The following TFRC variants were observed in gnomAD, a reference collection of about 807,000 sequenced individuals.
TFRC encodes the protein transferrin receptor, also known as transferrin receptor protein 1.
In TFRC, 35 loss-of-function variants were observed where a neutral mutation model predicts 85.8. The ratio of observed to expected loss-of-function variants is 0.41; its 90% CI spans 0.31 to 0.54. The LOEUF (loss-of-function observed/expected upper bound fraction) is 0.54. Among genes scored for constraint, TFRC ranks in the 20% least tolerant of loss-of-function variants. TFRC has a pLI of 0.31. For missense variants in TFRC, 828 were observed against 921.5 expected, an observed-to-expected ratio of 0.90 and a Z score of 1.31; for synonymous variants, 362 against 328.6, an observed-to-expected ratio of 1.10 and a Z score of -1.10.
At chr3:196,060,288 G>A (rs374310004) in intron 13 of TFRC, 41 bp from the exon 14 acceptor site, 224 of 1,545,056 alleles carry the variant, frequency 1.4e-4, no homozygotes, top group Middle Eastern at 5.0e-4. Context: ...TCTCCATTCC[G>A]ATAATTTTCA....
intron 18 of TFRC, among the ~76,000 whole-genome samples, chr3:196,053,130 T>G (rs41298075): frequency 1.3e-5 from 2 of 151,958 alleles, no homozygotes; most frequent in Non-Finnish European, 2.9e-5. Context: ...AAAAAAAAAT[T>G]TTTTTAAAGG....
chr3:196,071,807 G>A (rs1014996578), intron 5 of TFRC, among the ~76,000 whole-genome samples, 196 bp downstream of exon 5: 6 of 152,220 alleles, frequency 3.9e-5, no homozygotes, highest in Admixed American at 2.6e-4. Context: ...TGGAGGCTAA[G>A]GCAGGAGAAT....
rs1311939789 is a variant in TFRC, at chr3:196,072,019, T to C, written c.568A>G (p.Ile190Val). The C allele has an allele frequency of 6.2e-7, 1 of 1,613,190 alleles. No homozygotes were observed. Among genetic ancestry groups the C allele is most frequent in the Non-Finnish European group, 8.5e-7 (1 of 1,179,794 alleles). Reference sequence around the variant, plus strand: ...TCAACATACCTGTCTTTGACCTGAATCTTAACAAAATGTTGATCACGCCAG... The same window carrying C: ...TCAACATACCTGTCTTTGACCTGAACCTTAACAAAATGTTGATCACGCCAG... ...KVWRDQHFVK[I>V]QVKDSAQNSV... Residue 190 changes from isoleucine to valine, a missense_variant, in exon 5 of 19, where the codon ATT becomes GTT. Physicochemically the swap from Ile to Val is conservative, Grantham distance 29 (BLOSUM62 3). Coordinates refer to ENST00000360110, the MANE Select transcript of TFRC (RefSeq NM_001128148.3).
intron 8 of TFRC, 106 bp from the exon 9 acceptor site, chr3:196,067,763 T>C: frequency 2.2e-6 from 3 of 1,340,496 alleles, no homozygotes; most frequent in Non-Finnish European, 3.0e-6. Context: ...TTTACCAACT[T>C]GAAGCCTCAA....
At chr3:196,054,617 A>G (rs1369210578) in intron 17 of TFRC, among the ~76,000 whole-genome samples, 2 of 152,210 alleles carry the variant, frequency 1.3e-5, no homozygotes, top group Non-Finnish European at 2.9e-5. Flanking sequence ...CTGCCTCAGC[A>G]GAAGTAGCTG....
chr3:196,060,105 A>G (rs1197727626), intron 14 of TFRC, 75 bp downstream of exon 14: 11 of 1,171,954 alleles, frequency 9.4e-6, no homozygotes, highest in South Asian at 4.1e-5. Flanking sequence ...TACGGTTTAC[A>G]TATCAGTGTT....
chr3:196,058,511 C>G lies in TFRC; in HGVS notation c.1595+63G>C, dbSNP rs41297513. On this transcript the variant is annotated intron_variant, in intron 15 of 18. Coordinates refer to ENST00000360110, the MANE Select transcript of TFRC (RefSeq NM_001128148.3). ...ATGCAAGGACAGATTTAGATTCTAC[C>G]TAATGTAGTAGGTAGAATCTCTGCT... The G allele has an allele frequency of 8.2e-3, 12,585 of 1,525,822 alleles. 954 individuals are homozygous for G. The African/African-American group carries it at 0.16, about 19-fold the overall frequency. The allele number at this position is 1,525,822 out of a possible 1,614,324, so 94.5% of individuals were successfully genotyped here.
chr3:196,053,806 C>A (rs41298063), intron 17 of TFRC, among the ~76,000 whole-genome samples: 42 of 152,280 alleles, frequency 2.8e-4, no homozygotes, highest in African/African-American at 9.6e-4. Context: ...ATCCTATGTA[C>A]TATATTGTTT....
intron 15 of TFRC, 54 bp from the exon 16 acceptor site, chr3:196,058,419 T>C: frequency 1.3e-6 from 2 of 1,556,492 alleles, no homozygotes; most frequent in Non-Finnish European, 1.8e-6. Context: ...TAGACTGTTC[T>C]ATCGTGCTAG....
At chr3:196,052,869 T>C (rs1480643829) in intron 18 of TFRC, among the ~76,000 whole-genome samples, 1 of 151,966 alleles carries the variant, frequency 6.6e-6, no homozygotes, top group African/African-American at 2.4e-5. Flanking sequence ...TACCAGCACT[T>C]TGGGAGGCCA....
At chr3:196,060,797 C>CAA (rs1173946134) in intron 13 of TFRC, among the ~76,000 whole-genome samples, 8,522 of 36,952 alleles carry the variant, frequency 0.23, 2,622 homozygotes, top group Non-Finnish European at 0.31. Flanking sequence ...GACTCCATCT[C>CAA]AAAAAAAAAA....
At position 196,072,018 on chromosome 3, in the gene TFRC, A is replaced by G; in HGVS notation, c.569T>C (p.Ile190Thr). ...KVWRDQHFVK[I>T]QVKDSAQNSV... ...TTCAACATACCTGTCTTTGACCTGA[A>G]TCTTAACAAAATGTTGATCACGCCA... is the stretch of plus-strand genomic sequence containing the variant. Residue 190 changes from isoleucine (I) to threonine (T), a missense_variant, in exon 5 of 19, where the codon ATT (isoleucine) becomes ACT (threonine). By Grantham distance (89) the Ile-to-Thr change is moderately conservative. Coordinates refer to ENST00000360110, the MANE Select transcript of TFRC (RefSeq NM_001128148.3). 6.2e-7 allele frequency: 1 copy of G among 1,613,304 alleles called. No homozygotes were observed. The highest frequency in any genetic ancestry group is 8.5e-7 in the Non-Finnish European group (1 of 1,179,768).
Position 196,067,571 on chromosome 3 carries a change from C to T in TFRC, c.987G>A (p.Leu329=). 6.2e-7 allele frequency: 1 copy of T among 1,614,120 alleles called. No homozygotes were observed. The highest frequency in any genetic ancestry group is 8.5e-7 in the Non-Finnish European group (1 of 1,180,018). Residue 329 remains leucine (L), a synonymous_variant, in exon 9 of 19, where the codon TTG becomes TTA. Transcript: ENST00000360110. ...AGATTGTCTGGACAGGTATATTAGG[C>T]AATCCTGATGACCGAGATGGTGGAA... ...TQFPPSRSSG[L]PNIPVQTISR...
chr3:196,053,507 G>A lies in TFRC; in HGVS notation c.1951C>T (p.Arg651Cys), dbSNP rs1336796641. Reference protein sequence around the residue: ...WLYSARGDFFRATSRLTTDFG... With the variant: ...WLYSARGDFFCATSRLTTDFG... ...TCTGTTGTTAGTCTGGAAGTAGCACGGAAGAAGTCTCCACGAGCAGAATAC... is the reference window on the plus strand; with the variant it reads ...TCTGTTGTTAGTCTGGAAGTAGCACAGAAGAAGTCTCCACGAGCAGAATAC... The change falls in exon 18 of 19, where the codon CGT becomes TGT. Residue 651 changes from arginine to cysteine, a missense_variant. Transcript: ENST00000360110. The A allele has an allele frequency of 3.1e-6, 5 of 1,614,166 alleles. No individual in the cohort carries two copies. The highest frequency in any genetic ancestry group is 2.2e-5 in the East Asian group (1 of 44,880).
chr3:196,077,190 C>A, intron 1 of TFRC, 68 bp from the exon 2 acceptor site: 1 of 1,114,450 alleles, frequency 9.0e-7, no homozygotes, highest in Non-Finnish European at 1.3e-6. Flanking sequence ...TTTCTATTAC[C>A]AGGCTAAATG....
At chr3:196,078,111 C>T (rs1718861668) in intron 1 of TFRC, among the ~76,000 whole-genome samples, 1 of 152,128 alleles carries the variant, frequency 6.6e-6, no homozygotes, top group South Asian at 2.1e-4. Context: ...AAATACATCT[C>T]TGTAATCAAA....
Position 196,049,773 on chromosome 3 carries a change from G to A in TFRC, c.*2169C>T, listed in dbSNP as rs41299374. ...AGCTATGACCTTTTCACTTAGCTAC[G>A]CTAAATGTCAGTCCAAGATAAAAGA... On this transcript the variant is annotated 3_prime_UTR_variant, in exon 19 of 19. Coordinates refer to ENST00000360110, the MANE Select transcript of TFRC (RefSeq NM_001128148.3). 1,827 of 229,740 alleles carry A rather than the reference G, an allele frequency of 8.0e-3. 33 individuals are homozygous for A. The highest frequency in any genetic ancestry group is 0.038 in the African/African-American group (1,700 of 45,246). 14.2% of individuals were successfully genotyped at this position (229,740 alleles called of 1,614,324 possible).
rs1716217788 is a variant in TFRC at position 196,050,405 on chromosome 3, G to C, written c.*1537C>G. 1 of 211,580 alleles carries C rather than the reference G, an allele frequency of 4.7e-6. No individual in the cohort carries two copies. The highest frequency in any genetic ancestry group is 9.6e-6 in the Non-Finnish European group (1 of 104,176). 13.1% of individuals were successfully genotyped at this position (211,580 alleles called of 1,614,324 possible). A position where few individuals can be genotyped will look rare whatever the true frequency, so the allele number is the denominator to read the frequency against. On this transcript the variant is annotated 3_prime_UTR_variant, in exon 19 of 19. Coordinates refer to ENST00000360110, the MANE Select transcript of TFRC (RefSeq NM_001128148.3). ...TAAAAGATAGGGAATTATAGGAGTT[G>C]GGATACATGTTAGATACTAACGATC...
intron 5 of TFRC, among the ~76,000 whole-genome samples, 180 bp from the exon 6 acceptor site, chr3:196,071,678 C>T (rs1718221078): frequency 6.6e-6 from 1 of 152,218 alleles, no homozygotes; most frequent in Non-Finnish European, 1.5e-5. Context: ...AATCCCAGCA[C>T]TTTGGGAGGC....
Sources: gnomAD v4.1 joint callset for allele counts (sites outside exome capture counted in the v4.1 genomes callset) on GRCh38, gnomAD v4.1.1 for gene constraint, MANE v1.5 for transcripts, NCBI Gene and HGNC (gene_info 2026-07-23, HGNC 2026-07-21) for gene names.